CDH13: variants seen among roughly 807,000 people sequenced by gnomAD.
CDH13 encodes cadherin 13, also known as cadherin-13.
A neutral mutation model predicts 63.8 loss-of-function variants in CDH13; 24 were observed. The observed-to-expected ratio is 0.38, with a 90% confidence interval of 0.27 to 0.53. The LOEUF (loss-of-function observed/expected upper bound fraction) is 0.53, where lower values mean the gene tolerates loss of function less well. Among genes scored for constraint, CDH13 ranks in the 20% least tolerant of loss-of-function variants. CDH13 has a pLI of 0.85. For missense variants in CDH13, 1,049 were observed against 903.1 expected (o/e 1.16, Z -2.07); for synonymous variants, 503 against 355.3 (o/e 1.42, Z -4.67).
At chr16:82,815,166 T>A (rs1192151424) in intron 1 of CDH13, among the ~76,000 whole-genome samples, 2 of 152,116 alleles carry the variant, frequency 1.3e-5, no homozygotes, top group Non-Finnish European at 2.9e-5. Flanking sequence ...TACTGCATGG[T>A]TAGCAGACAG....
At chr16:83,231,751 G>C (rs1013714754) in intron 5 of CDH13, among the ~76,000 whole-genome samples, 6 of 152,092 alleles carry the variant, frequency 3.9e-5, no homozygotes, top group African/African-American at 1.4e-4. Flanking sequence ...GCCAACCCCG[G>C]ACTAGATGAA....
intron 2 of CDH13, among the ~76,000 whole-genome samples, chr16:83,008,311 G>T (rs186309010): frequency 6.6e-6 from 1 of 152,340 alleles, no homozygotes; most frequent in Non-Finnish European, 1.5e-5. Flanking sequence ...GATAACAAAG[G>T]TGACCTTTGA....
intron 1 of CDH13, among the ~76,000 whole-genome samples, chr16:82,855,561 C>A (rs1464650035): frequency 6.6e-6 from 1 of 152,164 alleles, no homozygotes; most frequent in African/African-American, 2.4e-5. Flanking sequence ...AAATTGCCAG[C>A]AGATTTTTCT....
chr16:82,745,006 G>C (rs1446132211), intron 1 of CDH13, among the ~76,000 whole-genome samples: 1 of 152,188 alleles, frequency 6.6e-6, no homozygotes, highest in Non-Finnish European at 1.5e-5. Flanking sequence ...ACGGAGAGCG[G>C]TGAATTTTGA....
rs556771412 is a variant in CDH13, at chr16:82,913,959, G to A, written c.157+55486G>A. On this transcript the variant is annotated intron_variant, in intron 2 of 13. Coordinates refer to ENST00000567109, the MANE Select transcript of CDH13 (RefSeq NM_001257.5). The stretch of plus-strand genomic sequence containing the variant: ...CTGAGAGGCAGGAGATGTAGACAGC[G>A]CTGGGGGATGTAGACACCACTTGTT... Among the ~76,000 whole-genome samples the A allele has an allele frequency of 7.9e-5, 12 of 151,930 alleles. No individual in the cohort carries two copies. The East Asian group carries it at 1.5e-3, about 20-fold the overall frequency.
chr16:83,580,889 G>A (rs957904071), intron 7 of CDH13, among the ~76,000 whole-genome samples: 4 of 152,236 alleles, frequency 2.6e-5, no homozygotes, highest in Middle Eastern at 3.4e-3. Flanking sequence ...AGTTGAGAAC[G>A]GCCAAATGTT....
intron 3 of CDH13, among the ~76,000 whole-genome samples, chr16:83,077,181 C>CTTTTTTTTTTTTTTTTTTTT (rs1160572033): frequency 5.3e-5 from 5 of 93,458 alleles, no homozygotes; most frequent in Middle Eastern, 6.1e-3. Flanking sequence ...TCTTTTTTTT[C>CTTTTTTTTTTTTTTTTTTTT]TTTTCTTTTT....
chr16:83,471,639 G>T (rs1213728904), intron 6 of CDH13, among the ~76,000 whole-genome samples: 4 of 152,184 alleles, frequency 2.6e-5, no homozygotes, highest in African/African-American at 9.7e-5. Flanking sequence ...CAGAGAGGCT[G>T]CCCCATGTGT....
chr16:83,560,899 GCCCCC>G (rs138383978), intron 7 of CDH13, among the ~76,000 whole-genome samples: 1 of 148,482 alleles, frequency 6.7e-6, no homozygotes, highest in Non-Finnish European at 1.5e-5. Flanking sequence ...CATAAGGTTG[GCCCCC>G]CCCCCGCCCC....
At chr16:83,082,885 G>A (rs758634287) in intron 3 of CDH13, among the ~76,000 whole-genome samples, 21 of 152,154 alleles carry the variant, frequency 1.4e-4, no homozygotes, top group South Asian at 2.1e-4. Context: ...GAATTCGCAC[G>A]TTTGTTTTTC....
rs140191636 is a variant in CDH13, at chr16:83,036,749, T to A, written c.366+4531T>A. 7.8e-3 allele frequency among the ~76,000 whole-genome samples: 1,194 copies of A among 152,264 alleles called. 11 individuals carry two copies. The highest frequency in any genetic ancestry group is 0.027 in the African/African-American group (1,134 of 41,558). Reference sequence around the variant, plus strand: ...TTCTTCCCAGCCCTTTGGTTGGTGATCTTGTCGTGCAGCCTAGATGCAATT... The same window carrying A: ...TTCTTCCCAGCCCTTTGGTTGGTGAACTTGTCGTGCAGCCTAGATGCAATT... On this transcript the variant is annotated intron_variant, in intron 3 of 13. Transcript: ENST00000567109.
intron 1 of CDH13, among the ~76,000 whole-genome samples, chr16:82,849,022 A>G (rs968463508): frequency 6.6e-6 from 1 of 152,212 alleles, no homozygotes; most frequent in Non-Finnish European, 1.5e-5. Context: ...AGAAAGTTTT[A>G]GTGGTCTGAA....
At chr16:82,696,021 C>G (rs868353428) in intron 1 of CDH13, among the ~76,000 whole-genome samples, 3 of 152,270 alleles carry the variant, frequency 2.0e-5, no homozygotes, top group Middle Eastern at 6.8e-3. Context: ...CTGACAGTTA[C>G]TTTCTCTCCC....
intron 5 of CDH13, among the ~76,000 whole-genome samples, chr16:83,326,845 C>T (rs912978195): frequency 6.6e-6 from 1 of 152,162 alleles, no homozygotes; most frequent in African/African-American, 2.4e-5. Context: ...TGTGCCCTGT[C>T]TGTACTCCTA....
chr16:83,383,626 T>C (rs1476210211), intron 6 of CDH13, among the ~76,000 whole-genome samples: 1 of 152,246 alleles, frequency 6.6e-6, no homozygotes, highest in Non-Finnish European at 1.5e-5. Flanking sequence ...GTTTTAATTC[T>C]TTGGGTTGTT....
chr16:83,672,015 A>T (rs1024112473), intron 9 of CDH13, among the ~76,000 whole-genome samples: 5 of 152,174 alleles, frequency 3.3e-5, no homozygotes, highest in African/African-American at 1.2e-4. Flanking sequence ...CTAGTGGATG[A>T]AGCCATTTGC....
chr16:82,973,733 A>G (rs1163528185), intron 2 of CDH13, among the ~76,000 whole-genome samples: 2 of 152,304 alleles, frequency 1.3e-5, no homozygotes, highest in East Asian at 3.9e-4. Context: ...TTATTCTTCT[A>G]TCCCATGACA....
At chr16:83,738,613 T>C (rs1426692321) in intron 10 of CDH13, among the ~76,000 whole-genome samples, 2 of 152,130 alleles carry the variant, frequency 1.3e-5, no homozygotes, top group Admixed American at 1.3e-4. Context: ...TCTCTAGAAT[T>C]AAAAGGGTTT....
At chr16:82,976,441 C>A (rs1338185163) in intron 2 of CDH13, among the ~76,000 whole-genome samples, 1 of 152,166 alleles carries the variant, frequency 6.6e-6, no homozygotes, top group African/African-American at 2.4e-5. Flanking sequence ...AGGCGCTTTT[C>A]CAGTTATCCT....
Sources: gnomAD v4.1 joint callset for allele counts (sites outside exome capture counted in the v4.1 genomes callset) on GRCh38, gnomAD v4.1.1 for gene constraint, MANE v1.5 for transcripts, NCBI Gene and HGNC (gene_info 2026-07-23, HGNC 2026-07-21) for gene names.